LIN54: variants seen among roughly 807,000 people sequenced by gnomAD.
LIN54 encodes protein lin-54 homolog.
A neutral mutation model predicts 78.7 loss-of-function variants in LIN54; 9 were observed. That is an observed-to-expected ratio of 0.11 (90% CI 0.07 to 0.20). The LOEUF (loss-of-function observed/expected upper bound fraction) is 0.20. LIN54 is among the 10% of genes least tolerant of loss of function. The probability of loss-of-function intolerance (pLI) is 1.00; values close to 1 mark genes in which losing one functional copy is unlikely to be tolerated. For missense variants in LIN54, 573 were observed against 889.9 expected (o/e 0.64, Z 4.53); for synonymous variants, 269 against 318.4 (o/e 0.84, Z 1.65).
intron 11 of LIN54, 99 bp from the exon 12 acceptor site, chr4:82,931,244 T>G (rs1721927237): frequency 1.2e-6 from 1 of 824,190 alleles, no homozygotes; most frequent in African/African-American, 1.7e-5. Flanking sequence ...CATTACCTGG[T>G]CAACTGATAA....
rs539965465 is a variant in LIN54 at position 82,974,145 on chromosome 4, G to A, written c.809-3676C>T. ...GAATGGCGTGAACCCAGGAGGCGGA[G>A]CTTGCAGTGAGCCGAGATCGCACCA... On this transcript the variant is annotated intron_variant, in intron 3 of 12. Transcript: ENST00000340417. Among the ~76,000 whole-genome samples the A allele has an allele frequency of 1.3e-3, 194 of 152,002 alleles. 1 individual carries two copies. Among genetic ancestry groups the A allele is most frequent in the Non-Finnish European group, 2.1e-3 (142 of 67,984 alleles).
intron 1 of LIN54, among the ~76,000 whole-genome samples, chr4:83,001,116 C>G (rs1263705281): frequency 6.6e-6 from 1 of 151,974 alleles, no homozygotes; most frequent in Admixed American, 6.6e-5. Flanking sequence ...CCAAGCCCAG[C>G]CCAAAAGCAA....
At chr4:82,936,525 G>A in intron 9 of LIN54, 144 bp from the exon 10 acceptor site, 2 of 519,288 alleles carry the variant, frequency 3.9e-6, no homozygotes, top group Non-Finnish European at 6.9e-6. Flanking sequence ...CCCAGTTAAA[G>A]AGTTAACAAC....
intron 4 of LIN54, among the ~76,000 whole-genome samples, chr4:82,957,437 T>C (rs888599217): frequency 1.3e-5 from 2 of 152,238 alleles, no homozygotes; most frequent in Non-Finnish European, 2.9e-5. Context: ...AGAGTCTCCA[T>C]TTAATGACAA....
At chr4:83,005,541 C>T (rs995243503) in intron 1 of LIN54, among the ~76,000 whole-genome samples, 3 of 150,856 alleles carry the variant, frequency 2.0e-5, no homozygotes, top group Non-Finnish European at 4.4e-5. Context: ...ACGAGAATCA[C>T]TTGAACACGG....
intron 1 of LIN54, among the ~76,000 whole-genome samples, chr4:82,997,136 T>C (rs72927115): frequency 0.018 from 2,702 of 152,250 alleles, 88 homozygotes; most frequent in African/African-American, 0.061. Context: ...TAATATTTAC[T>C]GTGTATAAAT....
In LIN54 at chr4:82,928,405, T is replaced by A. The variant is rs1206258426; in HGVS notation, c.2049-102A>T. 4 of 892,948 alleles carry A rather than the reference T, an allele frequency of 4.5e-6. No individual in the cohort carries two copies. In the African/African-American group the frequency reaches 6.6e-5, roughly 15 times the overall value. 55.3% of individuals were successfully genotyped at this position (892,948 alleles called of 1,614,324 possible). ...AAATCTCTACTGACACTTTCACAAT[T>A]CACCAGCAGGATGAGCATCACAATT... On this transcript the variant is annotated intron_variant, in intron 12 of 12. Coordinates refer to ENST00000340417, the MANE Select transcript of LIN54 (RefSeq NM_194282.4).
chr4:82,980,387 A>G (rs770263676), intron 2 of LIN54, among the ~76,000 whole-genome samples: 9 of 152,146 alleles, frequency 5.9e-5, no homozygotes, highest in Non-Finnish European at 1.3e-4. Context: ...AATATGACCA[A>G]CATGAATAAC....
At chr4:82,976,099 T>C (rs1054408990) in intron 3 of LIN54, among the ~76,000 whole-genome samples, 5 of 152,188 alleles carry the variant, frequency 3.3e-5, no homozygotes, top group African/African-American at 1.2e-4. Flanking sequence ...GGTGATCTCT[T>C]ACAATAAGTT....
At chr4:82,939,517 T>A (rs976820499) in intron 7 of LIN54, 22 bp downstream of exon 7, 1 of 1,595,808 alleles carries the variant, frequency 6.3e-7, no homozygotes, top group Non-Finnish European at 8.6e-7. Flanking sequence ...TGCAATACAA[T>A]GACTTCATTT....
intron 1 of LIN54, among the ~76,000 whole-genome samples, 190 bp downstream of exon 1, chr4:83,010,294 A>G (rs1445892385): frequency 6.6e-6 from 1 of 152,216 alleles, no homozygotes; most frequent in Non-Finnish European, 1.5e-5. Flanking sequence ...AGCCTTAGGT[A>G]TAAGAGCAAA....
At chr4:82,961,538 T>C (rs1387352470) in intron 4 of LIN54, among the ~76,000 whole-genome samples, 3 of 151,762 alleles carry the variant, frequency 2.0e-5, no homozygotes, top group African/African-American at 7.3e-5. Flanking sequence ...AAAAAAAGAG[T>C]TCTCCACTGG....
intron 8 of LIN54, 119 bp from the exon 9 acceptor site, chr4:82,937,417 G>A (rs1722478174): frequency 1.7e-6 from 1 of 586,504 alleles, no homozygotes; most frequent in Non-Finnish European, 2.9e-6. Flanking sequence ...TAAAATTAGA[G>A]AAGTCTCCAA....
At chr4:82,970,619 C>T in intron 3 of LIN54, 150 bp from the exon 4 acceptor site, 1 of 685,136 alleles carries the variant, frequency 1.5e-6, no homozygotes, top group Non-Finnish European at 2.4e-6. Context: ...CTATGGTAAA[C>T]CTAGGCAGAA....
At chr4:82,976,342 G>C (rs976632344) in intron 3 of LIN54, among the ~76,000 whole-genome samples, 2 of 143,260 alleles carry the variant, frequency 1.4e-5, no homozygotes, top group African/African-American at 5.2e-5. Flanking sequence ...CTGAAACATA[G>C]AAAAAGATAG....
chr4:82,954,729 G>C (rs1724144687), intron 4 of LIN54, among the ~76,000 whole-genome samples: 1 of 152,090 alleles, frequency 6.6e-6, no homozygotes, highest in African/African-American at 2.4e-5. Flanking sequence ...ACAATCAACT[G>C]ACCTCTAACA....
At chr4:82,983,794 A>T (rs975200352) in intron 2 of LIN54, among the ~76,000 whole-genome samples, 5 of 152,224 alleles carry the variant, frequency 3.3e-5, no homozygotes, top group Non-Finnish European at 7.3e-5. Context: ...GAACTGAAAA[A>T]AAAAAATGTT....
chr4:82,931,552 C>T (rs1721956067), intron 11 of LIN54, among the ~76,000 whole-genome samples: 1 of 152,210 alleles, frequency 6.6e-6, no homozygotes, highest in South Asian at 2.1e-4. Context: ...TACAATTTCA[C>T]ATTAAAGGGA....
intron 1 of LIN54, among the ~76,000 whole-genome samples, chr4:82,988,145 T>C (rs1383492131): frequency 2.0e-5 from 3 of 152,250 alleles, no homozygotes; most frequent in Non-Finnish European, 4.4e-5. Context: ...TGTTGAGCTT[T>C]TTTTCATGTT....
Sources: allele counts gnomAD v4.1 joint callset (sites outside exome capture counted in the v4.1 genomes callset), GRCh38; gene constraint gnomAD v4.1.1; transcripts MANE v1.5; gene names NCBI Gene and HGNC (gene_info 2026-07-23, HGNC 2026-07-21).